NIBAN1: variants seen among roughly 807,000 people sequenced by gnomAD.
The protein encoded by NIBAN1 is niban apoptosis regulator 1, also known as protein Niban 1.
A neutral mutation model predicts 75.1 loss-of-function variants in NIBAN1; 81 were observed. The observed-to-expected ratio is 1.08, with a 90% CI of 0.90 to 1.30. The LOEUF (loss-of-function observed/expected upper bound fraction) is 1.30, where lower values mean the gene tolerates loss of function less well. NIBAN1 is among the 50% of genes most tolerant of loss of function. The pLI is 0.00. For missense variants in NIBAN1, 1,133 were observed against 1,128.1 expected, an observed-to-expected ratio of 1.00 and a Z score of -0.06; for synonymous variants, 436 against 424.8, an observed-to-expected ratio of 1.03 and a Z score of -0.32.
intron 1 of NIBAN1, among the ~76,000 whole-genome samples, chr1:184,953,273 G>C (rs1478468406): frequency 6.6e-6 from 1 of 152,144 alleles, no homozygotes; most frequent in Non-Finnish European, 1.5e-5. Flanking sequence ...GCAAGAGATG[G>C]GGCCATTATC....
chr1:184,971,633 A>G (rs114687862), intron 1 of NIBAN1, among the ~76,000 whole-genome samples: 3,064 of 152,048 alleles, frequency 0.02, 93 homozygotes, highest in African/African-American at 0.07. Flanking sequence ...TCGTGCCACT[A>G]CACTCCAGCT....
intron 5 of NIBAN1, among the ~76,000 whole-genome samples, chr1:184,851,604 T>C (rs1205987490): frequency 4.0e-5 from 1 of 24,706 alleles, no homozygotes; most frequent in African/African-American, 2.6e-4. Flanking sequence ...AATGTGCACA[T>C]GTACCCTAAA....
chr1:184,910,475 A>C (rs532180416), intron 1 of NIBAN1, among the ~76,000 whole-genome samples: 10 of 152,320 alleles, frequency 6.6e-5, no homozygotes, highest in Admixed American at 2.6e-4. Context: ...TTACAAAAAA[A>C]ACTTTTTTAA....
intron 5 of NIBAN1, chr1:184,868,021 G>A (rs1205308073): frequency 1.0e-6 from 1 of 985,318 alleles, no homozygotes; most frequent in Non-Finnish European, 1.2e-6. Flanking sequence ...TTTCTTAGCT[G>A]GTGATTGCAT....
intron 1 of NIBAN1, among the ~76,000 whole-genome samples, chr1:184,945,796 A>G (rs1035976150): frequency 6.6e-6 from 1 of 152,196 alleles, no homozygotes; most frequent in Non-Finnish European, 1.5e-5. Flanking sequence ...GGACTTCAAG[A>G]AGGCAGATTT....
At chr1:184,969,118 A>G (rs1439956393) in intron 1 of NIBAN1, among the ~76,000 whole-genome samples, 2 of 152,240 alleles carry the variant, frequency 1.3e-5, no homozygotes, top group African/African-American at 2.4e-5. Context: ...GGAGTTTGGG[A>G]AATATCTTTA....
intron 8 of NIBAN1, among the ~76,000 whole-genome samples, chr1:184,821,796 T>C (rs1488103229): frequency 6.6e-6 from 1 of 152,174 alleles, no homozygotes; most frequent in Non-Finnish European, 1.5e-5. Flanking sequence ...ACACAGATAG[T>C]AGAAAACATC....
intron 6 of NIBAN1, among the ~76,000 whole-genome samples, chr1:184,830,605 T>A (rs1398714956): frequency 6.6e-6 from 1 of 152,196 alleles, no homozygotes; most frequent in Non-Finnish European, 1.5e-5. Context: ...AGCTGTTTAA[T>A]GACCACACAG....
chr1:184,892,951 T>C (rs1257253189), intron 3 of NIBAN1, among the ~76,000 whole-genome samples: 1 of 152,110 alleles, frequency 6.6e-6, no homozygotes, highest in Non-Finnish European at 1.5e-5. Flanking sequence ...TTTGTATTTT[T>C]AGTAGAGATG....
At chr1:184,798,258 G>A in intron 12 of NIBAN1, 68 bp from the exon 13 acceptor site, 1 of 962,244 alleles carries the variant, frequency 1.0e-6, no homozygotes, top group Admixed American at 2.2e-5. Context: ...AGGAGATACA[G>A]AAAGGACGAT....
intron 5 of NIBAN1, among the ~76,000 whole-genome samples, chr1:184,865,603 C>A (rs1224369680): frequency 6.6e-6 from 1 of 151,870 alleles, no homozygotes; most frequent in African/African-American, 2.4e-5. Flanking sequence ...CTAAAACAAG[C>A]TGAAAAAAAA....
chr1:184,907,798 G>C (rs905801955), intron 1 of NIBAN1, among the ~76,000 whole-genome samples: 17 of 152,160 alleles, frequency 1.1e-4, no homozygotes, highest in African/African-American at 4.1e-4. Context: ...CTGAGAGTCA[G>C]GTTTTTGAAC....
intron 1 of NIBAN1, among the ~76,000 whole-genome samples, chr1:184,918,912 C>T (rs1657460500): frequency 6.6e-6 from 1 of 152,192 alleles, no homozygotes; most frequent in African/African-American, 2.4e-5. Flanking sequence ...ACCCTCCCAA[C>T]ATCCTCCACC....
chr1:184,823,285 T>C lies in NIBAN1; in HGVS notation c.867A>G (p.Glu289=). The C allele has an allele frequency of 6.2e-7, 1 of 1,614,194 alleles. No homozygotes were observed. Among genetic ancestry groups the C allele is most frequent in the East Asian group, 2.2e-5 (1 of 44,880 alleles). The change falls in exon 8 of 14, where the codon GAA becomes GAG. Residue 289 remains glutamate, a synonymous_variant. Transcript: ENST00000367511. ...AYTLVQHQVS[E]GLSALKEECR... Reference sequence around the variant, plus strand: ...ATTCCTCCTTCAAGGCACTTAATCCTTCTGAAACTTGATGCTGAACCAGGG... The same window carrying C: ...ATTCCTCCTTCAAGGCACTTAATCCCTCTGAAACTTGATGCTGAACCAGGG...
At chr1:184,971,897 T>G (rs1247853781) in intron 1 of NIBAN1, among the ~76,000 whole-genome samples, 1 of 152,190 alleles carries the variant, frequency 6.6e-6, no homozygotes, top group Non-Finnish European at 1.5e-5. Context: ...ATGAAGTAAC[T>G]CCTTAACGTA....
intron 1 of NIBAN1, among the ~76,000 whole-genome samples, chr1:184,952,230 T>A (rs951772827): frequency 6.6e-6 from 1 of 152,058 alleles, no homozygotes; most frequent in Non-Finnish European, 1.5e-5. Context: ...CAAGACCTCA[T>A]CTCTACAAAA....
intron 1 of NIBAN1, among the ~76,000 whole-genome samples, chr1:184,912,754 A>G (rs1657275479): frequency 6.6e-6 from 1 of 152,210 alleles, no homozygotes; most frequent in South Asian, 2.1e-4. Context: ...GAATAACAAT[A>G]CATTTATGAT....
At chr1:184,810,038 A>G (rs1242894212) in intron 9 of NIBAN1, among the ~76,000 whole-genome samples, 6 of 152,168 alleles carry the variant, frequency 3.9e-5, no homozygotes, top group African/African-American at 1.4e-4. Context: ...AGGAGGTGGC[A>G]TTGGGGAAGG....
chr1:184,949,336 C>T (rs758699657), intron 1 of NIBAN1, among the ~76,000 whole-genome samples: 3 of 151,956 alleles, frequency 2.0e-5, no homozygotes, highest in South Asian at 2.1e-4. Flanking sequence ...ACAGCCTGGG[C>T]GACAGAGCGA....
Sources: gnomAD v4.1 joint callset for allele counts (sites outside exome capture counted in the v4.1 genomes callset) on GRCh38, gnomAD v4.1.1 for gene constraint, MANE v1.5 for transcripts, NCBI Gene and HGNC (gene_info 2026-07-23, HGNC 2026-07-21) for gene names.